TNKS: variants seen among roughly 807,000 people sequenced by gnomAD.
TNKS encodes tankyrase.
A neutral mutation model predicts 135.8 loss-of-function variants in TNKS; 72 were observed. That is an observed-to-expected ratio of 0.53 (90% CI 0.44 to 0.64). The LOEUF (loss-of-function observed/expected upper bound fraction) is 0.64. Among genes scored for constraint, TNKS ranks in the 30% least tolerant of loss-of-function variants. The pLI is 0.00. For missense variants in TNKS, 1,769 were observed against 1,674.0 expected (o/e 1.06, Z -0.99); for synonymous variants, 849 against 649.3 (o/e 1.31, Z -4.68).
intron 3 of TNKS, chr8:9,658,442 A>C (rs1801530315): frequency 1.7e-6 from 2 of 1,180,526 alleles, no homozygotes; most frequent in Non-Finnish European, 2.3e-6. Flanking sequence ...GCGGCTGCCA[A>C]GAAAAGAATT....
rs145683761 is a variant in TNKS, at chr8:9,597,884, A to G, written c.898+17501A>G. 1.2e-4 allele frequency among the ~76,000 whole-genome samples: 19 copies of G among 152,330 alleles called. No individual in the cohort carries two copies. The South Asian group carries it at 2.9e-3, about 23-fold the overall frequency. ...GGTGGGAAGTGAAATATGTGATTCA[A>G]TACTATCATTCAGAACAATTGATAA... On this transcript the variant is annotated intron_variant, in intron 2 of 26. Transcript: ENST00000310430.
At chr8:9,744,763 C>T (rs562114768) in intron 17 of TNKS, among the ~76,000 whole-genome samples, 2 of 152,280 alleles carry the variant, frequency 1.3e-5, no homozygotes, top group East Asian at 3.9e-4. Flanking sequence ...AAGAATTAAA[C>T]AGCTTAAGAA....
At chr8:9,771,190 G>T (rs999658391) in intron 26 of TNKS, among the ~76,000 whole-genome samples, 1 of 147,476 alleles carries the variant, frequency 6.8e-6, no homozygotes, top group African/African-American at 2.5e-5. Context: ...AGAGAGGAAG[G>T]AAGGAAGTGA....
rs142382274 is a variant in TNKS at position 9,680,787 on chromosome 8, G to C, written c.1094G>C (p.Ser365Thr). 2 of 1,612,178 alleles carry C rather than the reference G, an allele frequency of 1.2e-6. No homozygotes were observed. The highest frequency in any genetic ancestry group is 8.5e-7 in the Non-Finnish European group (1 of 1,178,864). ...CCTCTAAATGTGAATTGCCATGCAA[G>C]TGATGGGCGAAAGGTAAGTTATTTT... ...LTPLNVNCHA[S>T]DGRKSTPLHL... The change falls in exon 5 of 27, where the codon AGT (serine) becomes ACT (threonine). Residue 365 changes from serine to threonine, a missense_variant. Transcript: ENST00000310430.
chr8:9,761,694 G>GATAATT (rs1807157305), intron 21 of TNKS, 58 bp downstream of exon 21: 1 of 1,548,968 alleles, frequency 6.5e-7, no homozygotes, highest in Non-Finnish European at 8.7e-7. Context: ...GGTAAGTATT[G>GATAATT]GGGCTGATAA....
intron 3 of TNKS, among the ~76,000 whole-genome samples, chr8:9,617,096 G>T (rs1799672173): frequency 1.3e-5 from 2 of 152,170 alleles, no homozygotes; most frequent in African/African-American, 4.8e-5. Flanking sequence ...TACATTTAAT[G>T]CAACAACGCT....
intron 2 of TNKS, among the ~76,000 whole-genome samples, chr8:9,589,112 G>GA (rs1213897252): frequency 2.6e-5 from 4 of 152,084 alleles, no homozygotes; most frequent in African/African-American, 7.2e-5. Flanking sequence ...ATTGACATGA[G>GA]AAAAAATCTA....
At chr8:9,613,089 GA>G (rs1385364317) in intron 2 of TNKS, among the ~76,000 whole-genome samples, 1 of 152,076 alleles carries the variant, frequency 6.6e-6, no homozygotes, top group Non-Finnish European at 1.5e-5. Context: ...AACTTTTACT[GA>G]AAAAAATCTG....
In TNKS at chr8:9,766,358, G is replaced by A. The variant is rs779164462; in HGVS notation, c.3673G>A (p.Val1225Ile). 42 of 1,613,698 alleles carry A rather than the reference G, an allele frequency of 2.6e-5. No homozygotes were observed. Among genetic ancestry groups the A allele is most frequent in the Admixed American group, 6.7e-5 (4 of 59,992 alleles). Residue 1225 changes from valine (V) to isoleucine (I), a missense_variant, in exon 25 of 27, where the codon GTT (valine) becomes ATT (isoleucine). Physicochemically the swap from Val to Ile is conservative, Grantham distance 29. Around this residue, in one of 5 missense-constraint regions of TNKS, gnomAD observed 722 missense variants for 688.9 expected, o/e 1.05. Coordinates refer to ENST00000310430, the MANE Select transcript of TNKS (RefSeq NM_003747.3). ...AENSSKSNQY[V>I]YGIGGGTGCP... ...AAACTCCTCAAAAAGCAACCAATAT[G>A]TTTATGGAATTGGAGGAGGAACAGG... is the stretch of plus-strand genomic sequence containing the variant.
chr8:9,565,856 C>CA (rs1797509665), intron 1 of TNKS, among the ~76,000 whole-genome samples: 2 of 151,164 alleles, frequency 1.3e-5, no homozygotes, highest in Admixed American at 6.6e-5. Flanking sequence ...GACTCCGTCT[C>CA]AAAAAAAATA....
chr8:9,651,659 G>A (rs1801152572), intron 3 of TNKS, among the ~76,000 whole-genome samples: 3 of 152,186 alleles, frequency 2.0e-5, no homozygotes, highest in Admixed American at 2.0e-4. Flanking sequence ...ATGAAGCCAG[G>A]CTGGTGATGT....
At chr8:9,622,357 A>T (rs73523224) in intron 3 of TNKS, among the ~76,000 whole-genome samples, 13,018 of 152,232 alleles carry the variant, frequency 0.086, 595 homozygotes, top group South Asian at 0.17. Flanking sequence ...ATACAGTGAC[A>T]ATAATAATAG....
chr8:9,629,145 C>T (rs1800183723), intron 3 of TNKS, among the ~76,000 whole-genome samples: 1 of 152,206 alleles, frequency 6.6e-6, no homozygotes, highest in East Asian at 1.9e-4. Flanking sequence ...TTCTGGCCTG[C>T]AATGAGGTAA....
intron 3 of TNKS, among the ~76,000 whole-genome samples, chr8:9,634,730 C>T (rs900556628): frequency 4.6e-5 from 7 of 151,968 alleles, no homozygotes; most frequent in African/African-American, 1.7e-4. Context: ...GCAGTGAGAC[C>T]CCAATAGCAG....
intron 3 of TNKS, among the ~76,000 whole-genome samples, chr8:9,651,058 T>G (rs1431817989): frequency 6.6e-6 from 1 of 152,160 alleles, no homozygotes; most frequent in Non-Finnish European, 1.5e-5. Context: ...ACCAACACCA[T>G]TTGTTAACTA....
At chr8:9,756,739 C>T (rs887852567) in intron 20 of TNKS, among the ~76,000 whole-genome samples, 1 of 152,058 alleles carries the variant, frequency 6.6e-6, no homozygotes, top group Non-Finnish European at 1.5e-5. Context: ...ACTTTCATTC[C>T]TTTTATTTTA....
At chr8:9,684,826 G>C (rs912479860) in intron 5 of TNKS, among the ~76,000 whole-genome samples, 1 of 152,080 alleles carries the variant, frequency 6.6e-6, no homozygotes, top group African/African-American at 2.4e-5. Context: ...ACTGGTTAAC[G>C]GGGAGCTCAA....
chr8:9,772,191 T>C (rs1451335807), intron 26 of TNKS, among the ~76,000 whole-genome samples: 2 of 151,048 alleles, frequency 1.3e-5, no homozygotes, highest in Admixed American at 6.6e-5. Context: ...ATGCTAAATA[T>C]GGGGATTGTT....
chr8:9,654,687 G>A (rs1467797811), intron 3 of TNKS, among the ~76,000 whole-genome samples: 1 of 152,178 alleles, frequency 6.6e-6, no homozygotes, highest in Non-Finnish European at 1.5e-5. Context: ...ATGTATCTTA[G>A]AATTAGATTT....
Sources: gnomAD v4.1 joint callset for allele counts (sites outside exome capture counted in the v4.1 genomes callset) on GRCh38, gnomAD v4.1.1 for gene constraint, gnomAD v4.1.1 regional missense constraint, MANE v1.5 for transcripts, NCBI Gene and HGNC (gene_info 2026-07-23, HGNC 2026-07-21) for gene names.